The following LRFN5 variants were observed in gnomAD, a reference collection of about 807,000 sequenced individuals.
LRFN5 encodes the protein leucine rich repeat and fibronectin type III domain containing 5, also known as leucine-rich repeat and fibronectin type-III domain-containing protein 5.
In LRFN5, 24 loss-of-function variants were observed where a neutral mutation model predicts 45.6. The ratio of observed to expected loss-of-function variants is 0.53; its 90% CI spans 0.38 to 0.74. The LOEUF is 0.74. Ranked by LOEUF, LRFN5 falls within the 30% of genes least tolerant of loss-of-function variation. The probability of loss-of-function intolerance (pLI) is 0.00; values close to 1 mark genes in which losing one functional copy is unlikely to be tolerated. For missense variants in LRFN5, 776 were observed against 861.5 expected, an observed-to-expected ratio of 0.90 and a Z score of 1.24; for synonymous variants, 340 against 313.8, an observed-to-expected ratio of 1.08 and a Z score of -0.88.
intron 1 of LRFN5, among the ~76,000 whole-genome samples, chr14:41,664,933 T>G (rs535132376): frequency 7.9e-5 from 12 of 152,144 alleles, no homozygotes; most frequent in African/African-American, 2.9e-4. Flanking sequence ...CTGCCAAATA[T>G]CTGGGTACCA....
intron 4 of LRFN5, chr14:41,893,400 G>GT: frequency 1.0e-6 from 1 of 985,050 alleles, no homozygotes; most frequent in Non-Finnish European, 1.2e-6. Flanking sequence ...ATTTTGTTTT[G>GT]TTTTGAGAAT....
intron 2 of LRFN5, among the ~76,000 whole-genome samples, chr14:41,876,247 C>G (rs1890179507): frequency 1.3e-5 from 2 of 150,368 alleles, no homozygotes; most frequent in African/African-American, 4.9e-5. Flanking sequence ...ACACTGAGCA[C>G]CAGAGGAATG....
chr14:41,894,277 T>C, intron 4 of LRFN5: 2 of 961,580 alleles, frequency 2.1e-6, no homozygotes, highest in Non-Finnish European at 2.5e-6. Flanking sequence ...TTTTTAAAAA[T>C]CAATTGCCTA....
At chr14:41,702,966 C>T (rs896925096) in intron 1 of LRFN5, among the ~76,000 whole-genome samples, 2 of 151,956 alleles carry the variant, frequency 1.3e-5, no homozygotes, top group Admixed American at 1.3e-4. Flanking sequence ...AACCATGGCA[C>T]CCCTTTATCA....
chr14:41,724,154 CCTT>C (rs1217159749), intron 1 of LRFN5, among the ~76,000 whole-genome samples: 4 of 152,280 alleles, frequency 2.6e-5, no homozygotes, highest in African/African-American at 9.6e-5. Context: ...CATCTCTTCT[CCTT>C]CTTGAGATCT....
chr14:41,794,828 A>C (rs1440505502), intron 2 of LRFN5, among the ~76,000 whole-genome samples: 1 of 152,028 alleles, frequency 6.6e-6, no homozygotes, highest in Non-Finnish European at 1.5e-5. Flanking sequence ...TCTGCTTCAA[A>C]ATTGTGGGGT....
At chr14:41,690,145 T>C (rs1882311182) in intron 1 of LRFN5, among the ~76,000 whole-genome samples, 1 of 152,040 alleles carries the variant, frequency 6.6e-6, no homozygotes, top group Non-Finnish European at 1.5e-5. Context: ...AAACCAAATG[T>C]AGCAATATTT....
intron 1 of LRFN5, among the ~76,000 whole-genome samples, chr14:41,610,541 T>A (rs1227171525): frequency 6.6e-6 from 1 of 151,560 alleles, no homozygotes; most frequent in Non-Finnish European, 1.5e-5. Context: ...GAGGAGAACA[T>A]GATTTCCACT....
At chr14:41,838,450 A>G (rs1299348002) in intron 2 of LRFN5, among the ~76,000 whole-genome samples, 1 of 152,146 alleles carries the variant, frequency 6.6e-6, no homozygotes, top group African/African-American at 2.4e-5. Context: ...TGCCCGCACC[A>G]TACAACCTAG....
chr14:41,894,406 G>T (rs755681670), intron 4 of LRFN5: 14 of 869,162 alleles, frequency 1.6e-5, no homozygotes, highest in Non-Finnish European at 1.9e-5. Flanking sequence ...ATAATTTAAT[G>T]TGATTTAATA....
intron 2 of LRFN5, among the ~76,000 whole-genome samples, chr14:41,814,407 A>G (rs914600717): frequency 6.6e-6 from 1 of 152,148 alleles, no homozygotes; most frequent in Non-Finnish European, 1.5e-5. Context: ...GGTTTAATTA[A>G]GGTTTAATTA....
intron 1 of LRFN5, among the ~76,000 whole-genome samples, chr14:41,758,036 A>G (rs73315081): frequency 6.6e-6 from 1 of 151,862 alleles, no homozygotes; most frequent in African/African-American, 2.4e-5. Flanking sequence ...CCCCCATGCA[A>G]CTCTTATCCT....
intron 1 of LRFN5, among the ~76,000 whole-genome samples, chr14:41,748,223 C>A (rs1028101787): frequency 4.6e-5 from 7 of 151,986 alleles, no homozygotes; most frequent in Non-Finnish European, 7.4e-5. Context: ...ATTTGTATAT[C>A]CATGTTTAAA....
chr14:41,849,438 T>C (rs1428998080), intron 2 of LRFN5, among the ~76,000 whole-genome samples: 1 of 151,514 alleles, frequency 6.6e-6, no homozygotes, highest in African/African-American at 2.4e-5. Flanking sequence ...TTTCTTAGTG[T>C]GGTTAAAAAA....
intron 2 of LRFN5, among the ~76,000 whole-genome samples, chr14:41,835,208 G>C (rs115834052): frequency 0.015 from 2,240 of 152,072 alleles, 53 homozygotes; most frequent in African/African-American, 0.05. Flanking sequence ...AAAGATAATT[G>C]AGTCCAGGAT....
chr14:41,797,942 TCTTA>T (rs940264197), intron 2 of LRFN5, among the ~76,000 whole-genome samples: 41 of 151,978 alleles, frequency 2.7e-4, no homozygotes, highest in African/African-American at 8.7e-4. Flanking sequence ...TAAATATCTC[TCTTA>T]CTTTATTATG....
chr14:41,625,398 C>T (rs527794186), intron 1 of LRFN5, among the ~76,000 whole-genome samples: 3 of 152,204 alleles, frequency 2.0e-5, no homozygotes, highest in East Asian at 3.9e-4. Context: ...TTTCTCCTGT[C>T]GCCCTGTGAA....
intron 1 of LRFN5, among the ~76,000 whole-genome samples, chr14:41,679,944 G>T (rs1881810439): frequency 1.3e-5 from 2 of 152,154 alleles, no homozygotes; most frequent in Non-Finnish European, 2.9e-5. Context: ...AGAGCACTTG[G>T]TCCTTGAACT....
chr14:41,727,264 G>T (rs1024464207), intron 1 of LRFN5, among the ~76,000 whole-genome samples: 1 of 152,110 alleles, frequency 6.6e-6, no homozygotes, highest in African/African-American at 2.4e-5. Context: ...ACGACAGTTA[G>T]TATTAAAACC....
Sources: allele counts gnomAD v4.1 joint callset (sites outside exome capture counted in the v4.1 genomes callset), GRCh38; gene constraint gnomAD v4.1.1; transcripts MANE v1.5; gene names NCBI Gene and HGNC (gene_info 2026-07-23, HGNC 2026-07-21).